The following PLD5 variants were observed in gnomAD, a reference collection of about 807,000 sequenced individuals.
The protein encoded by PLD5 is inactive phospholipase D5.
PLD5 carries 36 observed loss-of-function variants against 61.1 expected under a neutral mutation model. That is an observed-to-expected ratio of 0.59 (90% CI 0.45 to 0.78). The LOEUF is 0.78. PLD5 is among the 30% of genes least tolerant of loss of function. The pLI is 0.00. For missense variants in PLD5, 515 were observed against 644.4 expected (o/e 0.80, Z 2.17); for synonymous variants, 243 against 242.8 (o/e 1.00, Z -0.01).
At chr1:242,360,297 T>C (rs1477742034) in intron 1 of PLD5, among the ~76,000 whole-genome samples, 1 of 152,146 alleles carries the variant, frequency 6.6e-6, no homozygotes, top group Non-Finnish European at 1.5e-5. Flanking sequence ...TTGTGAACAT[T>C]AAAAGGATCA....
At chr1:242,478,976 T>C (rs1202177486) in intron 1 of PLD5, among the ~76,000 whole-genome samples, 5 of 152,360 alleles carry the variant, frequency 3.3e-5, no homozygotes, top group Non-Finnish European at 7.3e-5. Flanking sequence ...TTTTTGACGA[T>C]ATGAAGACAT....
At chr1:242,457,485 A>G (rs963714818) in intron 1 of PLD5, among the ~76,000 whole-genome samples, 1 of 152,200 alleles carries the variant, frequency 6.6e-6, no homozygotes, top group African/African-American at 2.4e-5. Context: ...ATATATGGTC[A>G]AAAGTTTCTA....
At chr1:242,489,657 A>T in intron 1 of PLD5, among the ~76,000 whole-genome samples, 1 of 152,234 alleles carries the variant, frequency 6.6e-6, no homozygotes, top group South Asian at 2.1e-4. Flanking sequence ...ATTAAAAAAC[A>T]ATAAGCATAC....
At chr1:242,520,657 A>C (rs1192806725) in intron 1 of PLD5, among the ~76,000 whole-genome samples, 1 of 152,202 alleles carries the variant, frequency 6.6e-6, no homozygotes, top group Non-Finnish European at 1.5e-5. Flanking sequence ...CAGGCAACAA[A>C]GTAGAGTGGG....
chr1:242,175,533 C>A (rs576860067), intron 5 of PLD5, among the ~76,000 whole-genome samples: 7 of 152,200 alleles, frequency 4.6e-5, no homozygotes, highest in African/African-American at 1.7e-4. Context: ...CTTTGAAAAC[C>A]AGCATAAGAC....
At chr1:242,263,460 T>C (rs1211321581) in intron 4 of PLD5, among the ~76,000 whole-genome samples, 2 of 150,838 alleles carry the variant, frequency 1.3e-5, no homozygotes, top group African/African-American at 4.9e-5. Context: ...TTAATATATG[T>C]CTACCAAAGG....
At chr1:242,416,138 G>A (rs1462204888) in intron 1 of PLD5, among the ~76,000 whole-genome samples, 4 of 150,466 alleles carry the variant, frequency 2.7e-5, no homozygotes, top group Admixed American at 6.6e-5. Flanking sequence ...GTGGGGTTGA[G>A]CAAAAAAAAA....
intron 1 of PLD5, among the ~76,000 whole-genome samples, chr1:242,511,930 GT>G (rs1231012700): frequency 6.6e-6 from 1 of 152,096 alleles, no homozygotes; most frequent in Non-Finnish European, 1.5e-5. Flanking sequence ...CCAAATTAAA[GT>G]TTTTTTAATA....
At chr1:242,302,285 G>A (rs756719260) in intron 2 of PLD5, among the ~76,000 whole-genome samples, 14 of 152,316 alleles carry the variant, frequency 9.2e-5, no homozygotes, top group Non-Finnish European at 1.2e-4. Flanking sequence ...AGTGATGTAT[G>A]ACTGCATTTG....
intron 5 of PLD5, among the ~76,000 whole-genome samples, chr1:242,217,702 A>C (rs1454161329): frequency 6.6e-6 from 1 of 152,168 alleles, no homozygotes; most frequent in Non-Finnish European, 1.5e-5. Flanking sequence ...GTAGATTCTA[A>C]CCCTCATGGA....
intron 2 of PLD5, among the ~76,000 whole-genome samples, chr1:242,297,637 T>C (rs1675772712): frequency 7.4e-6 from 1 of 134,778 alleles, no homozygotes; most frequent in Non-Finnish European, 1.5e-5. Context: ...TTTTTTTTTT[T>C]TTTTTTTTTT....
At chr1:242,398,671 G>A (rs956002220) in intron 1 of PLD5, among the ~76,000 whole-genome samples, 1 of 121,984 alleles carries the variant, frequency 8.2e-6, no homozygotes, top group Non-Finnish European at 1.7e-5. Flanking sequence ...CTTGAACTTA[G>A]TCACTTAACT....
intron 1 of PLD5, among the ~76,000 whole-genome samples, chr1:242,431,443 A>G (rs1665715014): frequency 6.6e-6 from 1 of 152,226 alleles, no homozygotes; most frequent in Non-Finnish European, 1.5e-5. Flanking sequence ...AATTACTATC[A>G]TCCACATCAT....
chr1:242,475,113 T>C (rs1667548448), intron 1 of PLD5, among the ~76,000 whole-genome samples: 1 of 152,174 alleles, frequency 6.6e-6, no homozygotes, highest in Non-Finnish European at 1.5e-5. Context: ...CTATCTCCCC[T>C]TGGTGTCAAA....
intron 6 of PLD5, among the ~76,000 whole-genome samples, chr1:242,118,990 T>C (rs1662158846): frequency 6.6e-6 from 1 of 152,170 alleles, no homozygotes; most frequent in Non-Finnish European, 1.5e-5. Context: ...ACTTCTGAAT[T>C]AATTTTCCGA....
At chr1:242,121,095 TATTGA>T (rs1662326006) in intron 6 of PLD5, among the ~76,000 whole-genome samples, 1 of 152,212 alleles carries the variant, frequency 6.6e-6, no homozygotes, top group Non-Finnish European at 1.5e-5. Context: ...ACAACAAATA[TATTGA>T]ATTAAATTCA....
intron 7 of PLD5, among the ~76,000 whole-genome samples, chr1:242,109,177 C>T (rs972511447): frequency 6.6e-6 from 1 of 152,184 alleles, no homozygotes. Flanking sequence ...GGTGATGCTA[C>T]TTCTTGAATT....
Position 242,452,114 on chromosome 1 carries a change from C to G in PLD5, c.189+71974G>C, listed in dbSNP as rs75923186. On this transcript the variant is annotated intron_variant, in intron 1 of 9. Coordinates refer to ENST00000536534, the MANE Select transcript of PLD5 (RefSeq NM_001372062.1). Reference sequence around the variant, plus strand: ...ACATTAATCACGGGGGCGCACCATCCTTATGTCTGTGTCAGGGCCCTGCAC... The same window carrying G: ...ACATTAATCACGGGGGCGCACCATCGTTATGTCTGTGTCAGGGCCCTGCAC... Among the ~76,000 whole-genome samples the G allele has an allele frequency of 9.0e-3, 1,377 of 152,242 alleles. 21 individuals carry two copies. The highest frequency in any genetic ancestry group is 0.026 in the African/African-American group (1,087 of 41,538).
intron 1 of PLD5, among the ~76,000 whole-genome samples, chr1:242,413,309 CTT>C (rs112704103): frequency 6.9e-6 from 1 of 145,622 alleles, no homozygotes. Flanking sequence ...CATGATCTCT[CTT>C]TTTTTTTTTT....
Sources: allele counts gnomAD v4.1 joint callset (sites outside exome capture counted in the v4.1 genomes callset), GRCh38; gene constraint gnomAD v4.1.1; transcripts MANE v1.5; gene names NCBI Gene and HGNC (gene_info 2026-07-23, HGNC 2026-07-21).